Variants in ABHD17B observed in about 807,000 individuals in gnomAD.
ABHD17B encodes abhydrolase domain containing 17B, depalmitoylase, also known as alpha/beta hydrolase domain-containing protein 17B.
Under a neutral mutation model 26.2 loss-of-function variants are expected in ABHD17B, and 9 were observed. The ratio of observed to expected loss-of-function variants is 0.34; its 90% CI spans 0.21 to 0.60. The LOEUF (loss-of-function observed/expected upper bound fraction) is 0.60. ABHD17B is among the 20% of genes least tolerant of loss of function. The pLI, the probability that ABHD17B is intolerant of heterozygous loss-of-function variation, is 0.80. For synonymous variants in ABHD17B, 127 were observed against 122.3 expected (o/e 1.04, Z -0.25); for missense variants, 224 against 352.1 (o/e 0.64, Z 2.91).
chr9:71,883,792 T>C (rs185234249), intron 1 of ABHD17B, among the ~76,000 whole-genome samples: 14 of 151,942 alleles, frequency 9.2e-5, no homozygotes, highest in Admixed American at 2.6e-4. Context: ...CAGAAATTAG[T>C]TGGGCATGGT....
chr9:71,900,294 C>A (rs1223140536), intron 1 of ABHD17B, among the ~76,000 whole-genome samples: 1 of 152,120 alleles, frequency 6.6e-6, no homozygotes. Context: ...TTCTCCTAAT[C>A]TACAGTTTCT....
rs1825930796 is a variant in ABHD17B at position 71,865,460 on chromosome 9, T to C, written c.*1327A>G. The C allele has an allele frequency of 5.1e-6, 5 of 983,318 alleles. No individual in the cohort carries two copies. The highest frequency in any genetic ancestry group is 6.0e-6 in the Non-Finnish European group (5 of 828,094). 60.9% of individuals were successfully genotyped at this position (983,318 alleles called of 1,614,324 possible). The stretch of plus-strand genomic sequence containing the variant: ...ATGTGTGAGCTTTATTTTTTTACTA[T>C]ATTGGTTAATATAAAAGTTATGAAT... On this transcript the variant is annotated 3_prime_UTR_variant, in exon 4 of 4. Coordinates refer to ENST00000333421, the MANE Select transcript of ABHD17B (RefSeq NM_001025780.3).
chr9:71,895,432 AG>A (rs943890742), intron 1 of ABHD17B, among the ~76,000 whole-genome samples: 6 of 152,196 alleles, frequency 3.9e-5, no homozygotes, highest in Non-Finnish European at 7.3e-5. Flanking sequence ...CTGGCCAAAT[AG>A]GGTATATAAT....
In ABHD17B at chr9:71,865,443, GCTTT is replaced by G; in HGVS notation, c.*1340_*1343del. The G allele has an allele frequency of 1.0e-6, 1 of 984,186 alleles. No homozygotes were observed. The highest frequency in any genetic ancestry group is 1.2e-6 in the Non-Finnish European group (1 of 828,862). 61.0% of individuals were successfully genotyped at this position (984,186 alleles called of 1,614,324 possible). A position where few individuals can be genotyped will look rare whatever the true frequency, so the allele number is the denominator to read the frequency against. On this transcript the variant is annotated 3_prime_UTR_variant, in exon 4 of 4. Coordinates refer to ENST00000333421, the MANE Select transcript of ABHD17B (RefSeq NM_001025780.3). Reference sequence around the variant, plus strand: ...GGCAACTTAGTTTTTGTATGTGTGAGCTTTATTTTTTTACTATATTGGTTAATAT... The same window carrying G: ...GGCAACTTAGTTTTTGTATGTGTGAGATTTTTTTACTATATTGGTTAATAT...
At chr9:71,905,889 A>G (rs962063440) in intron 1 of ABHD17B, among the ~76,000 whole-genome samples, 33 of 152,164 alleles carry the variant, frequency 2.2e-4, no homozygotes, top group Non-Finnish European at 2.6e-4. Flanking sequence ...TACAAAAAAA[A>G]TACAAAAATT....
At chr9:71,884,945 C>G (rs902404915) in intron 1 of ABHD17B, among the ~76,000 whole-genome samples, 2 of 152,078 alleles carry the variant, frequency 1.3e-5, no homozygotes, top group African/African-American at 4.8e-5. Flanking sequence ...GTTACTATTA[C>G]TTAGGTTTTT....
intron 1 of ABHD17B, among the ~76,000 whole-genome samples, chr9:71,887,129 GA>G (rs934286010): frequency 1.5e-4 from 22 of 150,226 alleles, no homozygotes; most frequent in East Asian, 1.4e-3. Context: ...TTCTCAAATG[GA>G]AAAAAAAATG....
intron 1 of ABHD17B, among the ~76,000 whole-genome samples, chr9:71,882,254 G>A (rs1321800831): frequency 7.2e-5 from 11 of 152,204 alleles, no homozygotes; most frequent in Admixed American, 6.5e-4. Flanking sequence ...ACTCTCAAGA[G>A]AAAGCAAAAC....
chr9:71,875,668 T>C (rs1292410683), intron 1 of ABHD17B, among the ~76,000 whole-genome samples: 1 of 152,222 alleles, frequency 6.6e-6, no homozygotes, highest in Admixed American at 6.5e-5. Flanking sequence ...ATGATAAAGG[T>C]AATATTTGCC....
At chr9:71,900,863 G>C (rs919383822) in intron 1 of ABHD17B, among the ~76,000 whole-genome samples, 2 of 151,726 alleles carry the variant, frequency 1.3e-5, no homozygotes, top group African/African-American at 4.8e-5. Flanking sequence ...AAAAATGTTT[G>C]CATGGGCTGG....
Position 71,865,666 on chromosome 9 carries a change from G to T in ABHD17B, c.*1121C>A. 2.6e-6 allele frequency: 2 copies of T among 761,822 alleles called. No individual in the cohort carries two copies. Among genetic ancestry groups the T allele is most frequent in the Non-Finnish European group, 3.2e-6 (2 of 626,212 alleles). The allele number at this position is 761,822 out of a possible 1,614,324, so 47.2% of individuals were successfully genotyped here. On this transcript the variant is annotated 3_prime_UTR_variant, in exon 4 of 4. Transcript: ENST00000333421. ...TCATGAGGTCAGGAGTTCAAGACCA[G>T]CCTGATCAACATGGCAAAACCCTGT...
Position 71,877,421 on chromosome 9 carries a change from T to C in ABHD17B, c.-3-2338A>G, listed in dbSNP as rs528051391. ...ATTTATCTCTTAGCCAGAAACACTT[T>C]TGTTGTTGTTTTTCGAGACGAAGTC... On this transcript the variant is annotated intron_variant, in intron 1 of 3. Coordinates refer to ENST00000333421, the MANE Select transcript of ABHD17B (RefSeq NM_001025780.3). 3.3e-5 allele frequency among the ~76,000 whole-genome samples: 5 copies of C among 152,358 alleles called. No individual in the cohort carries two copies. In the South Asian group the frequency reaches 1.0e-3, roughly 32 times the overall value.
In ABHD17B at chr9:71,870,150, G is replaced by A. The variant is rs1195885934; in HGVS notation, c.580C>T (p.Leu194=). 6.2e-7 allele frequency: 1 copy of A among 1,614,108 alleles called. No homozygotes were observed. The part of the protein sequence containing the change: ...ESAAVILHSP[L]TSGMRVAFPD... ...AAGGCAACTCGCATTCCCGAAGTCAGAGGAGAATGAAGAATAACAGCAGCA... is the reference window on the plus strand; with the variant it reads ...AAGGCAACTCGCATTCCCGAAGTCAAAGGAGAATGAAGAATAACAGCAGCA... The change falls in exon 3 of 4, where the codon CTG becomes TTG. Residue 194 remains leucine, a synonymous_variant. Transcript: ENST00000333421.
intron 1 of ABHD17B, among the ~76,000 whole-genome samples, chr9:71,889,980 G>A (rs867131011): frequency 6.6e-6 from 1 of 151,934 alleles, no homozygotes; most frequent in Non-Finnish European, 1.5e-5. Context: ...GACTGAGCGG[G>A]CTGGGCAAGG....
chr9:71,889,417 A>G (rs1826712992), intron 1 of ABHD17B, among the ~76,000 whole-genome samples: 1 of 152,226 alleles, frequency 6.6e-6, no homozygotes, highest in African/African-American at 2.4e-5. Flanking sequence ...CAAAAAATGA[A>G]GTTCCCTAGA....
intron 1 of ABHD17B, among the ~76,000 whole-genome samples, chr9:71,883,936 C>CAA (rs111929106): frequency 3.1e-5 from 4 of 130,248 alleles, no homozygotes; most frequent in African/African-American, 1.1e-4. Context: ...GACTCTGTCT[C>CAA]AAAAAAAAAA....
At chr9:71,905,622 T>G (rs1281489169) in intron 1 of ABHD17B, among the ~76,000 whole-genome samples, 3 of 152,176 alleles carry the variant, frequency 2.0e-5, no homozygotes, top group Admixed American at 6.5e-5. Context: ...TACTACCAGA[T>G]TTATAAACCA....
chr9:71,901,373 T>G (rs1040388545), intron 1 of ABHD17B, among the ~76,000 whole-genome samples: 1 of 152,152 alleles, frequency 6.6e-6, no homozygotes, highest in Non-Finnish European at 1.5e-5. Context: ...TCTTAACAAT[T>G]TCGAAGTATA....
chr9:71,864,060 C>A (rs140721326), downstream of ABHD17B, among the ~76,000 whole-genome samples: 1 of 151,934 alleles, frequency 6.6e-6, no homozygotes, highest in East Asian at 1.9e-4. Flanking sequence ...TTCCAGCAAG[C>A]GAAAATCTCC....
Sources: gnomAD v4.1 joint callset for allele counts (sites outside exome capture counted in the v4.1 genomes callset) on GRCh38, gnomAD v4.1.1 for gene constraint, MANE v1.5 for transcripts, NCBI Gene and HGNC (gene_info 2026-07-23, HGNC 2026-07-21) for gene names.